Variants in MAD1L1 observed in about 807,000 individuals in gnomAD.
MAD1L1 encodes mitotic spindle assembly checkpoint protein MAD1.
In MAD1L1, 95 loss-of-function variants were observed where a neutral mutation model predicts 96.9. The ratio of observed to expected loss-of-function variants is 0.98; its 90% CI spans 0.83 to 1.16. The LOEUF (loss-of-function observed/expected upper bound fraction) is 1.16, where lower values mean the gene tolerates loss of function less well. Ranked by LOEUF, MAD1L1 falls within the 50% of genes most tolerant of loss-of-function variation. The pLI is 0.00. For synonymous variants in MAD1L1, 473 were observed against 396.6 expected (o/e 1.19, Z -2.29); for missense variants, 1,007 against 954.4 (o/e 1.06, Z -0.73).
In MAD1L1 at chr7:1,923,462, C is replaced by T. The variant is rs113532303; in HGVS notation, c.1807+13225G>A. 9.6e-3 allele frequency among the ~76,000 whole-genome samples: 932 copies of T among 97,390 alleles called. 10 individuals are homozygous for T. Among genetic ancestry groups the T allele is most frequent in the African/African-American group, 0.027 (889 of 33,278 alleles). 63.9% of individuals were successfully genotyped at this position (97,390 alleles called of 152,430 possible). ...GCTCTTCCGCCCCGGCACCCTGGCA[C>T]CCCCGCGCTCTTCCGCCCCGGCAGC... is the stretch of plus-strand genomic sequence containing the variant. On this transcript the variant is annotated intron_variant, in intron 17 of 18. Transcript: ENST00000265854.
At chr7:1,902,167 C>T (rs1787286773) in intron 17 of MAD1L1, among the ~76,000 whole-genome samples, 1 of 152,190 alleles carries the variant, frequency 6.6e-6, no homozygotes, top group South Asian at 2.1e-4. Context: ...ACCTTAGCCC[C>T]ACACCTGCCT....
chr7:1,976,615 G>T (rs948781151), intron 15 of MAD1L1, among the ~76,000 whole-genome samples: 2 of 152,352 alleles, frequency 1.3e-5, no homozygotes, highest in Middle Eastern at 3.4e-3. Context: ...GGACCCCAGC[G>T]GGTTGCCGCT....
intron 11 of MAD1L1, among the ~76,000 whole-genome samples, chr7:2,135,770 T>A (rs186816806): frequency 1.3e-5 from 2 of 152,302 alleles, no homozygotes; most frequent in Non-Finnish European, 2.9e-5. Context: ...TGTGCACATG[T>A]CCCAGGCCCA....
chr7:2,185,271 T>G (rs1240639819), intron 10 of MAD1L1, among the ~76,000 whole-genome samples: 1 of 152,162 alleles, frequency 6.6e-6, no homozygotes, highest in Admixed American at 6.5e-5. Context: ...CACAGTACAA[T>G]TCCATTTATT....
chr7:1,912,143 G>A (rs1381493277), intron 17 of MAD1L1, among the ~76,000 whole-genome samples: 1 of 152,214 alleles, frequency 6.6e-6, no homozygotes, highest in African/African-American at 2.4e-5. Flanking sequence ...GGGTGGCAGG[G>A]GTCCAGATGG....
intron 12 of MAD1L1, among the ~76,000 whole-genome samples, chr7:2,061,607 A>G (rs1217692596): frequency 6.6e-6 from 1 of 152,198 alleles, no homozygotes; most frequent in Non-Finnish European, 1.5e-5. Flanking sequence ...CTGGCACAGT[A>G]ACTCTGGCGG....
intron 18 of MAD1L1, chr7:1,849,140 A>G (rs7780286): frequency 0.012 from 966 of 78,580 alleles, 9 homozygotes; most frequent in African/African-American, 0.044. Flanking sequence ...ACACACACGT[A>G]CACACATGCA....
At chr7:1,940,256 C>T (rs1778886729) in intron 16 of MAD1L1, 1 of 152,252 alleles carries the variant, frequency 6.6e-6, no homozygotes, top group South Asian at 2.1e-4. Flanking sequence ...GGCGGCAGCC[C>T]TGCCGCTGGG....
At chr7:1,969,152 G>C (rs1466078802) in intron 15 of MAD1L1, among the ~76,000 whole-genome samples, 3 of 152,180 alleles carry the variant, frequency 2.0e-5, no homozygotes, top group African/African-American at 4.8e-5. Context: ...GGGAGGCCGA[G>C]GTGAGTGGAT....
chr7:1,949,140 G>A (rs1015794866), intron 16 of MAD1L1, among the ~76,000 whole-genome samples: 9 of 151,674 alleles, frequency 5.9e-5, no homozygotes, highest in Non-Finnish European at 8.8e-5. Context: ...GGAGGGGCCC[G>A]GGGCACGGCC....
intron 18 of MAD1L1, among the ~76,000 whole-genome samples, chr7:1,874,024 C>A (rs1210588348): frequency 2.0e-5 from 3 of 152,190 alleles, no homozygotes; most frequent in African/African-American, 4.8e-5. Flanking sequence ...CAGGCCCAGG[C>A]TGAGGACAGG....
chr7:1,949,647 G>C (rs1779396128), intron 16 of MAD1L1, among the ~76,000 whole-genome samples: 1 of 152,196 alleles, frequency 6.6e-6, no homozygotes, highest in African/African-American at 2.4e-5. Context: ...GCACCGGCAG[G>C]GCCCTGTGCT....
At chr7:2,128,731 C>T (rs1186207055) in intron 11 of MAD1L1, among the ~76,000 whole-genome samples, 5 of 152,164 alleles carry the variant, frequency 3.3e-5, no homozygotes, top group Non-Finnish European at 5.9e-5. Flanking sequence ...CTCCCTCTGC[C>T]CTTCTCACCC....
chr7:1,857,418 G>A (rs1437733017), intron 18 of MAD1L1, among the ~76,000 whole-genome samples: 1 of 152,160 alleles, frequency 6.6e-6, no homozygotes, highest in Admixed American at 6.5e-5. Flanking sequence ...GTCCCTTGCT[G>A]GCCCCATGAC....
At chr7:1,891,641 G>A (rs117053846) in intron 18 of MAD1L1, among the ~76,000 whole-genome samples, 4,303 of 152,212 alleles carry the variant, frequency 0.028, 117 homozygotes, top group Non-Finnish European at 0.046. Context: ...GCGGTGGCGC[G>A]ATCATAGTTT....
intron 12 of MAD1L1, among the ~76,000 whole-genome samples, chr7:2,024,495 T>C (rs1261068008): frequency 2.0e-5 from 3 of 152,150 alleles, no homozygotes; most frequent in Non-Finnish European, 2.9e-5. Flanking sequence ...CACATAGAAA[T>C]TGGCGGTGAG....
At chr7:2,008,369 G>C (rs1454403503) in intron 13 of MAD1L1, among the ~76,000 whole-genome samples, 1 of 152,222 alleles carries the variant, frequency 6.6e-6, no homozygotes, top group Non-Finnish European at 1.5e-5. Flanking sequence ...GTGCACTTTA[G>C]CACTGACTGT....
At chr7:2,105,056 A>AGG (rs1787017656) in intron 11 of MAD1L1, among the ~76,000 whole-genome samples, 1 of 152,144 alleles carries the variant, frequency 6.6e-6, no homozygotes, top group Non-Finnish European at 1.5e-5. Flanking sequence ...CGGCTTCCCC[A>AGG]GGGGCCGGAC....
chr7:1,843,625 C>T (rs1321900883), intron 18 of MAD1L1, among the ~76,000 whole-genome samples: 1 of 152,220 alleles, frequency 6.6e-6, no homozygotes, highest in Non-Finnish European at 1.5e-5. Context: ...CGTGCTTCCT[C>T]CTGGGGGCCT....
Sources: allele counts gnomAD v4.1 joint callset (sites outside exome capture counted in the v4.1 genomes callset), GRCh38; gene constraint gnomAD v4.1.1; transcripts MANE v1.5; gene names NCBI Gene and HGNC (gene_info 2026-07-23, HGNC 2026-07-21).